The following NAV2 variants were observed in gnomAD, a reference collection of about 807,000 sequenced individuals.
NAV2 encodes the protein neuron navigator 2.
NAV2 carries 54 observed loss-of-function variants against 223.2 expected under a neutral mutation model. The observed-to-expected ratio is 0.24, with a 90% CI of 0.19 to 0.30. The LOEUF (loss-of-function observed/expected upper bound fraction) is 0.30. Among genes scored for constraint, NAV2 ranks in the 10% least tolerant of loss-of-function variants. The pLI is 1.00. For synonymous variants in NAV2, 1,279 were observed against 1,239.3 expected (o/e 1.03, Z -0.67); for missense variants, 2,806 against 3,147.5 (o/e 0.89, Z 2.60).
At chr11:19,692,293 C>T (rs1392311545) in intron 1 of NAV2, among the ~76,000 whole-genome samples, 1 of 152,248 alleles carries the variant, frequency 6.6e-6, no homozygotes, top group East Asian at 1.9e-4. Flanking sequence ...CCAGGCACTT[C>T]TGTTCATATG....
chr11:19,455,970 G>A (rs187038281), intron 1 of NAV2, among the ~76,000 whole-genome samples: 7 of 152,316 alleles, frequency 4.6e-5, no homozygotes, highest in East Asian at 1.9e-4. Flanking sequence ...AAGCCTGACC[G>A]TGCATATTCA....
chr11:19,901,261 T>C (rs1336897520), intron 6 of NAV2, among the ~76,000 whole-genome samples: 2 of 152,200 alleles, frequency 1.3e-5, no homozygotes, highest in African/African-American at 2.4e-5. Flanking sequence ...AAGAGAACAC[T>C]GCCTGCCGGG....
chr11:19,704,446 G>A (rs952683377), intron 1 of NAV2, among the ~76,000 whole-genome samples: 2 of 152,142 alleles, frequency 1.3e-5, no homozygotes, highest in Non-Finnish European at 2.9e-5. Context: ...CCAGAGTCCA[G>A]GCACTGGAGT....
At chr11:19,836,966 T>C (rs1163695402) in intron 2 of NAV2, among the ~76,000 whole-genome samples, 26 of 152,172 alleles carry the variant, frequency 1.7e-4, no homozygotes, top group Admixed American at 1.6e-3. Context: ...ATGAGATCTT[T>C]ACCCTCATGA....
At chr11:19,370,747 C>T (rs757351194) in intron 1 of NAV2, among the ~76,000 whole-genome samples, 8 of 152,202 alleles carry the variant, frequency 5.3e-5, no homozygotes, top group Non-Finnish European at 1.2e-4. Context: ...GACTCCCCAC[C>T]GTGCACAGAT....
At chr11:19,943,769 C>T (rs2046600747) in intron 8 of NAV2, among the ~76,000 whole-genome samples, 1 of 152,084 alleles carries the variant, frequency 6.6e-6, no homozygotes. Context: ...TAGTCCTAGG[C>T]TTTTAAAGAC....
At chr11:20,086,899 A>G (rs1235124098) in intron 26 of NAV2, among the ~76,000 whole-genome samples, 2 of 152,160 alleles carry the variant, frequency 1.3e-5, no homozygotes, top group Non-Finnish European at 2.9e-5. Flanking sequence ...GCCAGCAGAC[A>G]TCCATATCCA....
intron 1 of NAV2, among the ~76,000 whole-genome samples, chr11:19,587,374 C>T (rs1182086741): frequency 1.3e-5 from 2 of 152,190 alleles, no homozygotes; most frequent in Non-Finnish European, 2.9e-5. Context: ...CAGTGAGCTG[C>T]CCCACTGTCC....
At chr11:19,698,744 A>T (rs2049419383) in intron 1 of NAV2, among the ~76,000 whole-genome samples, 1 of 152,226 alleles carries the variant, frequency 6.6e-6, no homozygotes, top group Admixed American at 6.5e-5. Flanking sequence ...CATGGATTTC[A>T]ACACCTCGGT....
intron 35 of NAV2, among the ~76,000 whole-genome samples, chr11:20,106,871 C>T (rs1000653059): frequency 2.6e-5 from 4 of 151,876 alleles, no homozygotes; most frequent in Admixed American, 6.6e-5. Context: ...ATCTCGAACT[C>T]CTGACCTCAG....
intron 1 of NAV2, among the ~76,000 whole-genome samples, chr11:19,756,267 G>A (rs971294070): frequency 4.6e-5 from 7 of 151,964 alleles, no homozygotes; most frequent in Admixed American, 4.6e-4. Flanking sequence ...TGCTATAAGG[G>A]GCACTTACCC....
At chr11:19,937,767 G>A (rs10833201) in intron 7 of NAV2, among the ~76,000 whole-genome samples, 54,876 of 152,200 alleles carry the variant, frequency 0.36, 11,993 homozygotes, top group Non-Finnish European at 0.5. Context: ...CCCTTCTTGC[G>A]TTGCCTGTGT....
Position 19,933,297 on chromosome 11 carries a change from C to G in NAV2, c.1053C>G (p.Pro351=). ...NCSTSSAIPQ[P]GAATKPWRSK... is the part of the protein sequence containing the mutation. ...GTACCTCCTCGGCCATCCCGCAGCC[C>G]GGTGCAGCCACCAAGCCTTGGCGCA... The change falls in exon 7 of 38, where the codon CCC becomes CCG. Residue 351 remains proline, a synonymous_variant. Coordinates refer to ENST00000349880, the MANE Select transcript of NAV2 (RefSeq NM_145117.5). The surrounding 1 kb of genome is among the most constrained non-coding windows in gnomAD (Gnocchi z 4.3). The G allele has an allele frequency of 6.2e-7, 1 of 1,613,628 alleles. No homozygotes were observed. Among genetic ancestry groups the G allele is most frequent in the Non-Finnish European group, 8.5e-7 (1 of 1,179,770 alleles).
chr11:19,369,055 C>A (rs1383975146), intron 1 of NAV2, among the ~76,000 whole-genome samples: 1 of 152,178 alleles, frequency 6.6e-6, no homozygotes, highest in Non-Finnish European at 1.5e-5. Flanking sequence ...GAGAAGCAAG[C>A]AGATTGTAAC....
intron 1 of NAV2, among the ~76,000 whole-genome samples, chr11:19,364,371 C>G (rs1299782880): frequency 6.6e-6 from 1 of 152,126 alleles, no homozygotes; most frequent in African/African-American, 2.4e-5. Context: ...GCCATTGCTA[C>G]CACCCCAGGA....
Position 19,763,262 on chromosome 11 carries a change from G to A in NAV2, c.267+49300G>A, listed in dbSNP as rs117775496. On this transcript the variant is annotated intron_variant, in intron 1 of 37. Coordinates refer to ENST00000349880, the MANE Select transcript of NAV2 (RefSeq NM_145117.5). The stretch of plus-strand genomic sequence containing the variant: ...TAACAGGAGACTGTCTGTATTTTCT[G>A]TTCCATTTCTCTACCCTATAGAGAT... Among the ~76,000 whole-genome samples, 112 of 152,316 alleles carry A rather than the reference G, an allele frequency of 7.4e-4. 3 individuals carry two copies. The East Asian group carries it at 0.02, about 28-fold the overall frequency.
intron 11 of NAV2, among the ~76,000 whole-genome samples, chr11:20,007,435 C>A (rs189852554): frequency 1.3e-5 from 2 of 152,214 alleles, no homozygotes; most frequent in Non-Finnish European, 2.9e-5. Context: ...TTTGAGAGGA[C>A]CTTTGAGTGG....
At chr11:19,957,298 AATC>A (rs1185775206) in intron 10 of NAV2, among the ~76,000 whole-genome samples, 1 of 152,166 alleles carries the variant, frequency 6.6e-6, no homozygotes. Flanking sequence ...AATTCACAGA[AATC>A]ATAAATACTT....
At chr11:19,527,272 CTG>C (rs1245976882) in intron 1 of NAV2, among the ~76,000 whole-genome samples, 2 of 152,180 alleles carry the variant, frequency 1.3e-5, no homozygotes, top group Non-Finnish European at 1.5e-5. Flanking sequence ...CTCTCATTCT[CTG>C]TAGTCTGCTG....
Sources: allele counts gnomAD v4.1 joint callset (sites outside exome capture counted in the v4.1 genomes callset), GRCh38; gene constraint gnomAD v4.1.1; non-coding constraint Gnocchi (gnomAD v3.1); transcripts MANE v1.5; gene names NCBI Gene and HGNC (gene_info 2026-07-23, HGNC 2026-07-21).